Variants in ARHGAP22 observed in about 807,000 individuals in gnomAD.
The protein encoded by ARHGAP22 is rho GTPase-activating protein 22.
In ARHGAP22, 48 loss-of-function variants were observed where a neutral mutation model predicts 59.1. That is an observed-to-expected ratio of 0.81 (90% CI 0.64 to 1.03). The LOEUF is 1.03. ARHGAP22 is among the 50% of genes least tolerant of loss of function. The pLI is 0.00. For missense variants in ARHGAP22, 1,015 were observed against 958.7 expected, an observed-to-expected ratio of 1.06 and a Z score of -0.78; for synonymous variants, 445 against 416.4, an observed-to-expected ratio of 1.07 and a Z score of -0.84.
chr10:48,568,108 C>G (rs10458726), intron 2 of ARHGAP22, among the ~76,000 whole-genome samples: 50,920 of 151,992 alleles, frequency 0.34, 9,665 homozygotes, highest in East Asian at 0.89. Flanking sequence ...TCTACTTTGA[C>G]TCTGGGGACC....
intron 5 of ARHGAP22, among the ~76,000 whole-genome samples, chr10:48,459,292 T>A (rs2046899181): frequency 6.6e-6 from 1 of 152,174 alleles, no homozygotes; most frequent in African/African-American, 2.4e-5. Context: ...ATCTTGCCAT[T>A]GATAGAGCCT....
chr10:48,454,032 G>C, intron 7 of ARHGAP22, 56 bp downstream of exon 7: 2 of 1,539,862 alleles, frequency 1.3e-6, no homozygotes, highest in South Asian at 2.2e-5. Context: ...CTGTGGGGTT[G>C]GGGGAGCGTG....
intron 1 of ARHGAP22, among the ~76,000 whole-genome samples, 190 bp downstream of exon 1, chr10:48,604,573 C>G (rs560672913): frequency 1.5e-4 from 23 of 152,322 alleles, no homozygotes; most frequent in Non-Finnish European, 2.5e-4. Flanking sequence ...AACTTCAGGT[C>G]GTGTCCCCAC....
downstream of ARHGAP22, among the ~76,000 whole-genome samples, chr10:48,442,449 C>A (rs967211684): frequency 6.6e-6 from 1 of 152,350 alleles, no homozygotes; most frequent in African/African-American, 2.4e-5. Context: ...TGTCTCTAGG[C>A]AAACATACCC....
At position 48,446,199 on chromosome 10, in the gene ARHGAP22, G is replaced by A; in HGVS notation, c.*192C>T. On this transcript the variant is annotated 3_prime_UTR_variant, in exon 10 of 10. Transcript: ENST00000249601. ...GACCCTCACCAGGAACTGCATGGTT[G>A]GAGCAGCATCTGATCCCACCTGGAG... 1 of 617,416 alleles carries A rather than the reference G, an allele frequency of 1.6e-6. No homozygotes were observed. The highest frequency in any genetic ancestry group is 2.8e-6 in the Non-Finnish European group (1 of 352,682). 38.2% of individuals were successfully genotyped at this position (617,416 alleles called of 1,614,324 possible).
intron 3 of ARHGAP22, among the ~76,000 whole-genome samples, chr10:48,539,029 C>T (rs185782206): frequency 5.3e-5 from 8 of 152,308 alleles, no homozygotes; most frequent in Admixed American, 3.3e-4. Flanking sequence ...AGATGAAAAA[C>T]TCAAAGGATA....
chr10:48,486,778 G>A (rs1251555335), intron 3 of ARHGAP22, among the ~76,000 whole-genome samples: 2 of 152,168 alleles, frequency 1.3e-5, no homozygotes, highest in Non-Finnish European at 2.9e-5. Context: ...CTTGGAGTAT[G>A]CAGCTATTGG....
chr10:48,484,019 T>C (rs550761802), intron 3 of ARHGAP22, among the ~76,000 whole-genome samples: 418 of 152,376 alleles, frequency 2.7e-3, no homozygotes, highest in Middle Eastern at 6.8e-3. Flanking sequence ...ATGTTTTATG[T>C]GTAAGTCTTT....
intron 3 of ARHGAP22, among the ~76,000 whole-genome samples, chr10:48,519,490 T>G (rs1382892527): frequency 2.0e-5 from 3 of 152,238 alleles, no homozygotes; most frequent in Admixed American, 1.3e-4. Flanking sequence ...AACCCAACAA[T>G]AGGCTGGGGC....
chr10:48,436,486 A>T, the ARHGAP22 span: 1 of 152,182 alleles, frequency 6.6e-6, no homozygotes, highest in Non-Finnish European at 1.5e-5. Context: ...TTATCTCTGG[A>T]ACAAGAGGGA....
upstream of ARHGAP22, among the ~76,000 whole-genome samples, chr10:48,606,558 C>G (rs2060683293): frequency 1.3e-5 from 2 of 152,222 alleles, no homozygotes; most frequent in Admixed American, 1.3e-4. Flanking sequence ...CTTGCCGATG[C>G]TCTATACAAC....
At chr10:48,455,671 G>A (rs1454518280) in intron 5 of ARHGAP22, among the ~76,000 whole-genome samples, 1 of 152,226 alleles carries the variant, frequency 6.6e-6, no homozygotes, top group East Asian at 1.9e-4. Flanking sequence ...CTGCTCTGCG[G>A]TAGGAACAGC....
intron 3 of ARHGAP22, among the ~76,000 whole-genome samples, chr10:48,539,291 A>ATTTTTTTTTTTTTTTTTTTTTT (rs56801787): frequency 2.2e-5 from 3 of 136,262 alleles, no homozygotes; most frequent in African/African-American, 8.5e-5. Flanking sequence ...GAAGGGTAAC[A>ATTTTTTTTTTTTTTTTTTTTTT]TTTTTTTTTT....
chr10:48,440,109 G>T, the ARHGAP22 span, among the ~76,000 whole-genome samples: 1 of 128,998 alleles, frequency 7.8e-6, no homozygotes, highest in Non-Finnish European at 1.7e-5. Flanking sequence ...ATTCATCCTC[G>T]TTAATTTAGG....
intron 3 of ARHGAP22, chr10:48,523,955 G>T: frequency 9.3e-7 from 1 of 1,079,556 alleles, no homozygotes; most frequent in Non-Finnish European, 1.2e-6. Context: ...AGGCAGGTGC[G>T]GGCGGCCCTG....
At chr10:48,612,173 T>C (rs974431400) in intron 1 of ARHGAP22, among the ~76,000 whole-genome samples, 5 of 151,968 alleles carry the variant, frequency 3.3e-5, no homozygotes, top group African/African-American at 1.2e-4. Context: ...CTTTAATCCC[T>C]CCCTCATTGG....
intron 3 of ARHGAP22, among the ~76,000 whole-genome samples, chr10:48,524,888 C>T (rs2134819650): frequency 6.6e-6 from 1 of 152,264 alleles, no homozygotes. Flanking sequence ...TCTCTCTGTG[C>T]CCAGTTTCCC....
intron 3 of ARHGAP22, among the ~76,000 whole-genome samples, chr10:48,495,977 T>TA (rs1188556330): frequency 1.3e-5 from 2 of 152,096 alleles, no homozygotes; most frequent in Non-Finnish European, 2.9e-5. Flanking sequence ...GTGATTCAGC[T>TA]TGAAGTGGAT....
At chr10:48,524,335 C>G (rs1457702017) in intron 3 of ARHGAP22, 1 of 154,786 alleles carries the variant, frequency 6.5e-6, no homozygotes, top group Non-Finnish European at 1.4e-5. Flanking sequence ...AGATCGCGAC[C>G]GCCGCGCCAC....
Sources: allele counts gnomAD v4.1 joint callset (sites outside exome capture counted in the v4.1 genomes callset), GRCh38; gene constraint gnomAD v4.1.1; transcripts MANE v1.5; gene names NCBI Gene and HGNC (gene_info 2026-07-23, HGNC 2026-07-21).